The following PCDH15 variants were observed in gnomAD, a reference collection of about 807,000 sequenced individuals.
PCDH15 encodes protocadherin related 15, also known as protocadherin-15.
PCDH15 carries 129 observed loss-of-function variants against 178.5 expected under a neutral mutation model. That is an observed-to-expected ratio of 0.72 (90% CI 0.63 to 0.84). The LOEUF (loss-of-function observed/expected upper bound fraction) is 0.84. PCDH15 is among the 40% of genes least tolerant of loss of function. PCDH15 has a pLI of 0.00. For synonymous variants in PCDH15, 800 were observed against 732.0 expected (o/e 1.09, Z -1.50); for missense variants, 2,230 against 2,099.9 (o/e 1.06, Z -1.21).
chr10:54,639,081 A>G (rs1032501095), intron 2 of PCDH15, among the ~76,000 whole-genome samples: 5 of 152,256 alleles, frequency 3.3e-5, no homozygotes, highest in Middle Eastern at 3.4e-3. Context: ...ATCCCGTAAA[A>G]AGGACGTAAA....
chr10:55,437,839 T>TC (rs1311205644), intron 2 of PCDH15, among the ~76,000 whole-genome samples: 1 of 147,042 alleles, frequency 6.8e-6, no homozygotes, highest in Non-Finnish European at 1.5e-5. Context: ...TTTCTTTTTT[T>TC]TTTTTTTTTT....
intron 6 of PCDH15, among the ~76,000 whole-genome samples, 194 bp downstream of exon 6, chr10:54,346,171 A>G (rs1943247537): frequency 6.6e-6 from 1 of 152,228 alleles, no homozygotes. Context: ...TTATCTAAAA[A>G]TACCATCAAA....
At chr10:55,077,438 T>TTCCTTC (rs773469694) in intron 2 of PCDH15, among the ~76,000 whole-genome samples, 15 of 74,832 alleles carry the variant, frequency 2.0e-4, no homozygotes, top group African/African-American at 5.9e-4. Flanking sequence ...TTCCTTCCTT[T>TTCCTTC]CTTCCTTCCT....
chr10:54,307,040 G>GTATATATATATA (rs1158139613), intron 8 of PCDH15, among the ~76,000 whole-genome samples: 2 of 29,334 alleles, frequency 6.8e-5, no homozygotes, highest in Non-Finnish European at 1.2e-4. Context: ...GTGTGTGTGT[G>GTATATATATATA]TATATATATA....
At chr10:54,246,443 T>A in intron 8 of PCDH15, among the ~76,000 whole-genome samples, 1 of 151,936 alleles carries the variant, frequency 6.6e-6, no homozygotes, top group East Asian at 1.9e-4. Context: ...TATGGCTTTT[T>A]AATCAATTAT....
intron 2 of PCDH15, among the ~76,000 whole-genome samples, chr10:55,564,763 G>A (rs778235897): frequency 5.3e-5 from 8 of 151,470 alleles, no homozygotes; most frequent in Non-Finnish European, 1.2e-4. Context: ...GGCTGCAAGA[G>A]TCAAAGGAGG....
At chr10:54,788,382 A>G (rs1380043252) in intron 1 of PCDH15, among the ~76,000 whole-genome samples, 1 of 151,870 alleles carries the variant, frequency 6.6e-6, no homozygotes, top group Non-Finnish European at 1.5e-5. Context: ...AAGTTCCAAG[A>G]GACAGTTGGT....
At chr10:54,600,834 T>A (rs1457561778) in intron 2 of PCDH15, among the ~76,000 whole-genome samples, 3 of 151,994 alleles carry the variant, frequency 2.0e-5, no homozygotes, top group Admixed American at 2.0e-4. Context: ...AAGCTCAGTG[T>A]GCTCCCCCCT....
intron 15 of PCDH15, among the ~76,000 whole-genome samples, chr10:54,091,450 G>A (rs1213762455): frequency 6.6e-6 from 1 of 152,118 alleles, no homozygotes; most frequent in Non-Finnish European, 1.5e-5. Flanking sequence ...AGACAGGCAG[G>A]AACGTATTGT....
At chr10:54,905,193 T>C (rs1954698754) in intron 2 of PCDH15, among the ~76,000 whole-genome samples, 1 of 152,090 alleles carries the variant, frequency 6.6e-6, no homozygotes, top group Admixed American at 6.5e-5. Flanking sequence ...GTTGATACAC[T>C]GAAATAGAAG....
chr10:54,165,486 G>A (rs925707842), intron 13 of PCDH15, among the ~76,000 whole-genome samples: 4 of 151,962 alleles, frequency 2.6e-5, no homozygotes, highest in East Asian at 1.9e-4. Context: ...CTATTTAAAG[G>A]GCTTGTTTCT....
chr10:54,333,333 T>C (rs1940275952), intron 6 of PCDH15, among the ~76,000 whole-genome samples: 1 of 152,172 alleles, frequency 6.6e-6, no homozygotes, highest in Non-Finnish European at 1.5e-5. Flanking sequence ...AAATGTTGCA[T>C]ATTGAAAGCC....
At chr10:55,462,090 T>C (rs1839692043) in intron 2 of PCDH15, among the ~76,000 whole-genome samples, 1 of 152,112 alleles carries the variant, frequency 6.6e-6, no homozygotes. Context: ...CTAGCTTGAC[T>C]CCCACAGGTC....
intron 10 of PCDH15, among the ~76,000 whole-genome samples, chr10:54,196,750 G>T (rs1214792703): frequency 6.6e-6 from 1 of 152,082 alleles, no homozygotes; most frequent in Non-Finnish European, 1.5e-5. Flanking sequence ...AGGTGGTGAG[G>T]GCAGAGCCCT....
chr10:55,590,356 A>G (rs1485891099), intron 2 of PCDH15, among the ~76,000 whole-genome samples: 1 of 151,072 alleles, frequency 6.6e-6, no homozygotes, highest in African/African-American at 2.4e-5. Context: ...AGATATACCT[A>G]ATGCTAAATG....
Position 53,806,765 on chromosome 10 carries a change from C to A in PCDH15, c.5037G>T (p.Gly1679=). Residue 1679 remains glycine (G), a synonymous_variant, in exon 38 of 38, where the codon GGG becomes GGT. Coordinates refer to ENST00000644397, the MANE Select transcript of PCDH15 (RefSeq NM_001384140.1). ...GTGGCTTCACCGCTGTATTGTCAGTCCCCACAGGGCAAGGGGCAAATGTAA... is the reference window on the plus strand; with the variant it reads ...GTGGCTTCACCGCTGTATTGTCAGTACCCACAGGGCAAGGGGCAAATGTAA... ...TLVTFAPCPV[G]TDNTAVKPLR... is the part of the protein sequence containing the mutation. 1.2e-6 allele frequency: 2 copies of A among 1,613,846 alleles called. No homozygotes were observed.
chr10:54,086,938 G>C (rs1425230091), intron 16 of PCDH15, among the ~76,000 whole-genome samples: 1 of 152,136 alleles, frequency 6.6e-6, no homozygotes, highest in Non-Finnish European at 1.5e-5. Context: ...CATTCCAAAT[G>C]CAGAGATGAG....
At chr10:53,840,043 A>T (rs909979908) in intron 29 of PCDH15, among the ~76,000 whole-genome samples, 1 of 152,184 alleles carries the variant, frequency 6.6e-6, no homozygotes, top group Non-Finnish European at 1.5e-5. Flanking sequence ...AGGAGCTGGC[A>T]GCAGGTGATT....
At chr10:55,571,458 T>G (rs1842406397) in intron 2 of PCDH15, among the ~76,000 whole-genome samples, 1 of 152,038 alleles carries the variant, frequency 6.6e-6, no homozygotes, top group African/African-American at 2.4e-5. Flanking sequence ...ACAAAACATA[T>G]AGCTTAAATA....
Sources: gnomAD v4.1 joint callset for allele counts (sites outside exome capture counted in the v4.1 genomes callset) on GRCh38, gnomAD v4.1.1 for gene constraint, MANE v1.5 for transcripts, NCBI Gene and HGNC (gene_info 2026-07-23, HGNC 2026-07-21) for gene names.